Variants in SOX5 observed in about 807,000 individuals in gnomAD.
SOX5 encodes transcription factor SOX-5.
SOX5 carries 9 observed loss-of-function variants against 92.0 expected under a neutral mutation model. The ratio of observed to expected loss-of-function variants is 0.10; its 90% confidence interval spans 0.06 to 0.17. SOX5 has a LOEUF of 0.17. SOX5 is among the 10% of genes least tolerant of loss of function. The probability of loss-of-function intolerance (pLI) is 1.00; values close to 1 mark genes in which losing one functional copy is unlikely to be tolerated. For missense variants in SOX5, 642 were observed against 944.5 expected (o/e 0.68, Z 4.20); for synonymous variants, 344 against 336.3 (o/e 1.02, Z -0.25).
At chr12:23,985,496 G>C (rs754026493) in intron 4 of SOX5, among the ~76,000 whole-genome samples, 17 of 152,144 alleles carry the variant, frequency 1.1e-4, no homozygotes, top group Non-Finnish European at 2.4e-4. Context: ...CTTAAAGTTT[G>C]TAATTAAATT....
At chr12:24,244,928 T>C (rs1017690546) in intron 3 of SOX5, among the ~76,000 whole-genome samples, 7 of 152,068 alleles carry the variant, frequency 4.6e-5, no homozygotes, top group African/African-American at 1.7e-4. Flanking sequence ...TGACTTCAGG[T>C]GATTCAACCG....
At chr12:24,542,961 C>T (rs1952279920) in intron 1 of SOX5, among the ~76,000 whole-genome samples, 1 of 152,080 alleles carries the variant, frequency 6.6e-6, no homozygotes, top group African/African-American at 2.4e-5. Flanking sequence ...CTCAGGACAC[C>T]CATACTTAAG....
At chr12:24,285,280 T>A (rs573258137) in intron 2 of SOX5, among the ~76,000 whole-genome samples, 5 of 151,898 alleles carry the variant, frequency 3.3e-5, no homozygotes, top group African/African-American at 7.3e-5. Context: ...TCCTTTGAAG[T>A]ATTAACAGGT....
intron 1 of SOX5, among the ~76,000 whole-genome samples, chr12:23,932,150 T>C (rs931685601): frequency 1.3e-5 from 2 of 151,498 alleles, no homozygotes; most frequent in Non-Finnish European, 3.0e-5. Flanking sequence ...TTAAGTGATA[T>C]AAAAAAGAAT....
intron 4 of SOX5, among the ~76,000 whole-genome samples, chr12:24,012,550 G>C (rs748247569): frequency 3.5e-4 from 53 of 152,248 alleles, no homozygotes; most frequent in Admixed American, 1.4e-3. Flanking sequence ...GAATATCTCT[G>C]ACTCATCCTC....
chr12:23,845,426 A>G (rs2136029920), intron 3 of SOX5, among the ~76,000 whole-genome samples: 1 of 152,338 alleles, frequency 6.6e-6, no homozygotes, highest in Non-Finnish European at 1.5e-5. Flanking sequence ...CCTATCAGGA[A>G]CTATTAAAGA....
chr12:24,080,740 C>A (rs1274885030), intron 4 of SOX5, among the ~76,000 whole-genome samples: 1 of 151,946 alleles, frequency 6.6e-6, no homozygotes, highest in Non-Finnish European at 1.5e-5. Flanking sequence ...CAGGATTCTA[C>A]AGCTATGGCA....
intron 4 of SOX5, among the ~76,000 whole-genome samples, chr12:23,972,055 T>G (rs912139998): frequency 6.6e-6 from 1 of 152,194 alleles, no homozygotes; most frequent in Non-Finnish European, 1.5e-5. Context: ...TGTAGTCTTA[T>G]ATAGCATCAC....
intron 3 of SOX5, among the ~76,000 whole-genome samples, chr12:23,794,643 C>T (rs1031327494): frequency 1.3e-5 from 2 of 152,028 alleles, no homozygotes; most frequent in East Asian, 3.8e-4. Flanking sequence ...ACTTCATGTT[C>T]CTTGTAAGAA....
intron 4 of SOX5, among the ~76,000 whole-genome samples, chr12:23,997,140 T>C (rs949395326): frequency 6.6e-6 from 1 of 152,172 alleles, no homozygotes; most frequent in African/African-American, 2.4e-5. Context: ...GAAATATTTA[T>C]TCATGTAAAT....
At chr12:23,850,477 A>T (rs1299493681) in intron 2 of SOX5, among the ~76,000 whole-genome samples, 2 of 150,806 alleles carry the variant, frequency 1.3e-5, no homozygotes, top group South Asian at 2.1e-4. Context: ...AAAAAATAAA[A>T]AAAAAATCAC....
At chr12:24,420,411 A>G (rs1965735623) in intron 1 of SOX5, among the ~76,000 whole-genome samples, 1 of 152,184 alleles carries the variant, frequency 6.6e-6, no homozygotes, top group Non-Finnish European at 1.5e-5. Context: ...AAGGGTTCCC[A>G]TTGTCCAAAG....
intron 4 of SOX5, among the ~76,000 whole-genome samples, chr12:23,988,443 T>C (rs1049402932): frequency 5.9e-5 from 9 of 152,184 alleles, no homozygotes; most frequent in African/African-American, 2.2e-4. Context: ...TTTGAGGAAA[T>C]TAATGTCTAA....
chr12:23,865,752 G>A (rs965410002), intron 2 of SOX5, among the ~76,000 whole-genome samples: 25 of 152,208 alleles, frequency 1.6e-4, no homozygotes, highest in African/African-American at 6.0e-4. Context: ...TCTTGGCAAA[G>A]TAAATTTAAA....
chr12:23,574,016 A>C (rs554029993), intron 10 of SOX5, among the ~76,000 whole-genome samples: 1 of 151,612 alleles, frequency 6.6e-6, no homozygotes. Context: ...TATAATATTA[A>C]TATCAGTTAT....
At chr12:23,611,093 T>C (rs2075892085) in intron 8 of SOX5, among the ~76,000 whole-genome samples, 1 of 152,158 alleles carries the variant, frequency 6.6e-6, no homozygotes, top group Admixed American at 6.6e-5. Flanking sequence ...CCTTTTAGTT[T>C]GCTTAAAGTT....
chr12:24,281,157 A>T (rs1945143293), intron 2 of SOX5, among the ~76,000 whole-genome samples: 1 of 151,844 alleles, frequency 6.6e-6, no homozygotes, highest in South Asian at 2.1e-4. Context: ...TTTTGAGAGA[A>T]TACTAGCAAC....
At chr12:24,225,125 A>G (rs1961591640) in intron 3 of SOX5, among the ~76,000 whole-genome samples, 1 of 152,250 alleles carries the variant, frequency 6.6e-6, no homozygotes, top group African/African-American at 2.4e-5. Flanking sequence ...TACCCAGATC[A>G]AAAGTATAAA....
chr12:24,233,590 G>T (rs1963851912), intron 3 of SOX5, among the ~76,000 whole-genome samples: 1 of 152,220 alleles, frequency 6.6e-6, no homozygotes, highest in Non-Finnish European at 1.5e-5. Flanking sequence ...GTTAGCTTTG[G>T]ACAATCTACC....
Sources: gnomAD v4.1 joint callset for allele counts (sites outside exome capture counted in the v4.1 genomes callset) on GRCh38, gnomAD v4.1.1 for gene constraint, MANE v1.5 for transcripts, NCBI Gene and HGNC (gene_info 2026-07-23, HGNC 2026-07-21) for gene names.